The following GNAS variants were observed in gnomAD, a reference collection of about 807,000 sequenced individuals.
GNAS encodes the protein GNAS complex locus.
A neutral mutation model predicts 54.5 loss-of-function variants in GNAS; 8 were observed. The observed-to-expected ratio is 0.15, with a 90% CI of 0.09 to 0.26. The LOEUF is 0.26. Ranked by LOEUF, GNAS falls within the 10% of genes least tolerant of loss-of-function variation. GNAS has a pLI of 1.00. For synonymous variants in GNAS, 204 were observed against 191.4 expected (o/e 1.07, Z -0.54); for missense variants, 170 against 529.8 (o/e 0.32, Z 6.67).
upstream of GNAS, among the ~76,000 whole-genome samples, chr20:58,887,437 AT>A (rs1159684806): frequency 6.6e-6 from 1 of 152,184 alleles, no homozygotes; most frequent in East Asian, 1.9e-4. Context: ...AGCGGTTCTA[AT>A]TTAGGTGGTG....
At chr20:58,855,102 G>C in intron 1 of GNAS, 2 of 1,613,642 alleles carry the variant, frequency 1.2e-6, no homozygotes, top group Non-Finnish European at 1.7e-6. Flanking sequence ...CAACTTTCTC[G>C]TGCAAGCCTT....
intron 1 of GNAS, chr20:58,855,589 TTC>T (rs1188052137): frequency 1.4e-6 from 1 of 717,266 alleles, no homozygotes; most frequent in Middle Eastern, 2.3e-4. Flanking sequence ...TGAGGGTCGT[TTC>T]CGGCTGGACA....
At chr20:58,892,022 G>A (rs1400990456) in intron 1 of GNAS, 157 bp downstream of exon 1, 1 of 821,322 alleles carries the variant, frequency 1.2e-6, no homozygotes, top group Non-Finnish European at 1.5e-6. Context: ...CCGGAAGGGG[G>A]ACCCAGGGGC....
intron 6 of GNAS, among the ~76,000 whole-genome samples, chr20:58,907,741 A>G (rs2091174994): frequency 6.6e-6 from 1 of 152,266 alleles, no homozygotes. Context: ...AAAGAGAACA[A>G]CGCAGCTTAA....
chr20:58,873,362 C>T lies in GNAS; in HGVS notation c.44-22250C>T, dbSNP rs571809435. ...AATTTAAGAAAACAGTTAAATCCAT[C>T]ATGGTTCCAAGTGAAAACAGTTGTC... On this transcript the variant is annotated intron_variant, in intron 1 of 12. Transcript: ENST00000306090. The surrounding 1 kb of genome is among the most constrained non-coding windows in gnomAD (Gnocchi z 4.3). Among the ~76,000 whole-genome samples, 1 of 152,262 alleles carries T rather than the reference C, an allele frequency of 6.6e-6. No homozygotes were observed. Among genetic ancestry groups the T allele is most frequent in the East Asian group, 1.9e-4 (1 of 5,184 alleles).
In GNAS at chr20:58,903,570, G is replaced by A. The variant is rs2146178371; in HGVS notation, c.297G>A (p.Leu99=). The A allele has an allele frequency of 1.9e-6, 3 of 1,614,156 alleles. No individual in the cohort carries two copies. Among genetic ancestry groups the A allele is most frequent in the Non-Finnish European group, 2.5e-6 (3 of 1,180,000 alleles). ...ATKVQDIKNN[L]KEAIETIVAA... ...AAGTGCAGGACATCAAAAACAACCTGAAAGAGGCGATTGAAGTACGTGCTG... is the reference window on the plus strand; with the variant it reads ...AAGTGCAGGACATCAAAAACAACCTAAAAGAGGCGATTGAAGTACGTGCTG... The change falls in exon 4 of 13, where the codon CTG becomes CTA. Residue 99 remains leucine (L), a synonymous_variant. Transcript: ENST00000371085.
intron 2 of GNAS, chr20:58,897,804 A>G (rs895108322): frequency 6.6e-6 from 1 of 152,178 alleles, no homozygotes; most frequent in African/African-American, 2.4e-5. Context: ...TATCTCATCC[A>G]ACTGCCTCCT....
chr20:58,851,028 G>T (rs1015026424), intron 1 of GNAS: 1 of 397,938 alleles, frequency 2.5e-6, no homozygotes, highest in Non-Finnish European at 4.4e-6. Context: ...GAGTGAGTTG[G>T]TGTTGGGACC....
At position 58,891,779 on chromosome 20, in the gene GNAS, C is replaced by T; in HGVS notation, c.53C>T (p.Ala18Val). Residue 18 changes from alanine (A) to valine (V), a missense_variant, in exon 1 of 13, where the codon GCG (alanine) becomes GTG (valine). By Grantham distance (64) the Ala-to-Val change is moderately conservative. Around this residue, in one of 3 missense-constraint regions of GNAS, gnomAD observed 56 missense variants for 55.7 expected, o/e 1.01. Transcript: ENST00000371085. ...GAGGACCAGCGCAACGAGGAGAAGG[C>T]GCAGCGTGAGGCCAACAAAAAGATC... ...KTEDQRNEEK[A>V]QREANKKIEK... 10 of 1,281,240 alleles carry T rather than the reference C, an allele frequency of 7.8e-6. No homozygotes were observed. Among genetic ancestry groups the T allele is most frequent in the South Asian group, 1.3e-5 (1 of 79,700 alleles). The allele number at this position is 1,281,240 out of a possible 1,614,324, so 79.4% of individuals were successfully genotyped here.
intron 1 of GNAS, among the ~76,000 whole-genome samples, chr20:58,883,204 G>A (rs1280876821): frequency 1.3e-5 from 2 of 152,184 alleles, no homozygotes; most frequent in Admixed American, 6.5e-5. Flanking sequence ...ATCATTGGAA[G>A]GCCGAGTCTG....
rs1170542800 is a variant in GNAS, at chr20:58,891,679, CCCGCCG to C, written c.-40_-35del. On this transcript the variant is annotated 5_prime_UTR_variant, in exon 1 of 13. Coordinates refer to ENST00000371085, the MANE Select transcript of GNAS (RefSeq NM_000516.7). ...CCCGGCCCGCGTGAGGCCGCCCGCG[CCCGCCG>C]CCGCCGCAGCCCGGCCGCGCCCCGC... 1.0e-6 allele frequency: 1 copy of C among 973,338 alleles called. No homozygotes were observed. The highest frequency in any genetic ancestry group is 4.6e-5 in the South Asian group (1 of 21,730). The allele number at this position is 973,338 out of a possible 1,614,324, so 60.3% of individuals were successfully genotyped here. A position where few individuals can be genotyped will look rare whatever the true frequency, so the allele number is the denominator to read the frequency against.
At chr20:58,892,171 C>T (rs1455137325) in intron 1 of GNAS, 9 of 969,390 alleles carry the variant, frequency 9.3e-6, no homozygotes, top group South Asian at 5.3e-5. Flanking sequence ...CTCTCTTTCT[C>T]TCTTTTTCCG....
At chr20:58,899,566 A>G in intron 3 of GNAS, 1 of 538,266 alleles carries the variant, frequency 1.9e-6, no homozygotes, top group Non-Finnish European at 3.5e-6. Context: ...AGCTTGGTGG[A>G]TAAGGAAATT....
Position 58,853,781 on chromosome 20 carries a change from A to T in GNAS, c.43+12895A>T, listed in dbSNP as rs768933780. On this transcript the variant is annotated intron_variant, in intron 1 of 12. Transcript: ENST00000306090. The surrounding 1 kb of genome is among the most constrained non-coding windows in gnomAD (Gnocchi z 4.4). ...TTGAGTTTGACCAGCCTGCCCAGAG[A>T]GGCTGCAGTCAACTTCTCTTACAGG... The T allele has an allele frequency of 1.9e-6, 3 of 1,612,608 alleles. No individual in the cohort carries two copies. Among genetic ancestry groups the T allele is most frequent in the South Asian group, 1.1e-5 (1 of 90,868 alleles).
chr20:58,903,518 A>T lies in GNAS; in HGVS notation c.258-13A>T. On this transcript the variant is annotated splice_polypyrimidine_tract_variant and intron_variant, in intron 3 of 12. Transcript: ENST00000371085. Reference sequence around the variant, plus strand: ...TGCAATATGATTTTCTTTTCTTTTCAATCCCACTGCAGTGAGAAGGCAACC... The same window carrying T: ...TGCAATATGATTTTCTTTTCTTTTCTATCCCACTGCAGTGAGAAGGCAACC... 1.9e-6 allele frequency: 3 copies of T among 1,609,490 alleles called. No individual in the cohort carries two copies. The highest frequency in any genetic ancestry group is 2.6e-6 in the Non-Finnish European group (3 of 1,175,776).
Position 58,841,721 on chromosome 20 carries a change from C to T in GNAS, c.43+835C>T. 2 of 1,221,892 alleles carry T rather than the reference C, an allele frequency of 1.6e-6. No individual in the cohort carries two copies. Among genetic ancestry groups the T allele is most frequent in the Non-Finnish European group, 2.0e-6 (2 of 982,042 alleles). The allele number at this position is 1,221,892 out of a possible 1,614,324, so 75.7% of individuals were successfully genotyped here. The stretch of plus-strand genomic sequence containing the variant: ...CCCTTGGGGATGCCCCTACGGGCTA[C>T]CAGGGTTGAACGCACAGGCATGGTC... On this transcript the variant is annotated intron_variant, in intron 1 of 12. Transcript: ENST00000306090. This position sits in a 1 kb window ranked among gnomAD's most constrained non-coding sequence, Gnocchi z 5.0.
upstream of GNAS, chr20:58,889,110 G>A: frequency 1.7e-6 from 2 of 1,144,526 alleles, no homozygotes; most frequent in South Asian, 1.6e-5. Flanking sequence ...GCTGCTATGG[G>A]TCGGTCCTCT....
chr20:58,855,318 C>T (rs1263693138), intron 1 of GNAS: 5 of 1,572,990 alleles, frequency 3.2e-6, no homozygotes, highest in African/African-American at 2.7e-5. Context: ...GTGTACGCAC[C>T]GCCTGCTGCT....
chr20:58,896,288 A>G (rs1338448333), intron 2 of GNAS, among the ~76,000 whole-genome samples: 1 of 152,218 alleles, frequency 6.6e-6, no homozygotes, highest in African/African-American at 2.4e-5. Context: ...CTTTAAAACA[A>G]AAAACAAATC....
Sources: allele counts gnomAD v4.1 joint callset (sites outside exome capture counted in the v4.1 genomes callset), GRCh38; gene constraint gnomAD v4.1.1; regional missense constraint gnomAD v4.1.1; non-coding constraint Gnocchi (gnomAD v3.1); transcripts MANE v1.5; gene names NCBI Gene and HGNC (gene_info 2026-07-23, HGNC 2026-07-21).